GPHN: variants seen among roughly 807,000 people sequenced by gnomAD.
GPHN encodes the protein gephyrin.
GPHN carries 17 observed loss-of-function variants against 95.5 expected under a neutral mutation model. That is an observed-to-expected ratio of 0.18 (90% CI 0.12 to 0.27). The LOEUF (loss-of-function observed/expected upper bound fraction) is 0.27, where lower values mean the gene tolerates loss of function less well. Among genes scored for constraint, GPHN ranks in the 10% least tolerant of loss-of-function variants. The pLI is 1.00. For missense variants in GPHN, 660 were observed against 978.1 expected, an observed-to-expected ratio of 0.67 and a Z score of 4.34; for synonymous variants, 320 against 322.5, an observed-to-expected ratio of 0.99 and a Z score of 0.08.
chr14:67,156,674 G>A (rs979259993), intron 18 of GPHN, among the ~76,000 whole-genome samples: 9 of 152,082 alleles, frequency 5.9e-5, no homozygotes, highest in African/African-American at 1.9e-4. Flanking sequence ...CCCAAATATA[G>A]CAGTAATCAT....
At chr14:67,236,807 G>T in the GPHN span, among the ~76,000 whole-genome samples, 2 of 151,630 alleles carry the variant, frequency 1.3e-5, no homozygotes, top group African/African-American at 2.4e-5. Context: ...TAGATATTTG[G>T]CCAGACACGG....
chr14:66,973,848 A>G (rs960289179), intron 9 of GPHN, among the ~76,000 whole-genome samples: 1 of 152,204 alleles, frequency 6.6e-6, no homozygotes, highest in African/African-American at 2.4e-5. Flanking sequence ...CTCATTTTTG[A>G]AATCAGTTTA....
At chr14:66,779,798 C>G (rs923879848) in intron 3 of GPHN, among the ~76,000 whole-genome samples, 4 of 151,916 alleles carry the variant, frequency 2.6e-5, no homozygotes, top group South Asian at 4.1e-4. Flanking sequence ...GGTTTTTATC[C>G]TGAAAATTAT....
intron 2 of GPHN, among the ~76,000 whole-genome samples, chr14:66,681,459 A>G (rs2066926867): frequency 6.6e-6 from 1 of 152,186 alleles, no homozygotes. Flanking sequence ...GCCAAGAAAG[A>G]TGATTAGTAG....
At chr14:67,567,159 G>A in the GPHN span, among the ~76,000 whole-genome samples, 6 of 152,202 alleles carry the variant, frequency 3.9e-5, no homozygotes, top group South Asian at 1.2e-3. Context: ...GTTCCGGGGA[G>A]AGCTTAAGAA....
At chr14:67,024,871 G>T (rs545219656) in intron 10 of GPHN, among the ~76,000 whole-genome samples, 24 of 152,070 alleles carry the variant, frequency 1.6e-4, no homozygotes, top group African/African-American at 4.8e-4. Context: ...AATTCATGGG[G>T]TTTTTTTGTG....
chr14:66,789,449 C>A (rs1044891845), intron 3 of GPHN, among the ~76,000 whole-genome samples: 2 of 152,184 alleles, frequency 1.3e-5, no homozygotes, highest in Admixed American at 1.3e-4. Context: ...CAAATACATA[C>A]ACAGACATAA....
At chr14:66,986,402 A>G (rs1014777933) in intron 9 of GPHN, among the ~76,000 whole-genome samples, 2 of 152,168 alleles carry the variant, frequency 1.3e-5, no homozygotes, top group Non-Finnish European at 2.9e-5. Flanking sequence ...ATTTGTGTAT[A>G]TAACCTGCTA....
the GPHN span, chr14:67,320,165 A>G: frequency 7.0e-7 from 1 of 1,425,898 alleles, no homozygotes; most frequent in Non-Finnish European, 9.4e-7. Context: ...AAGATCTATG[A>G]GTATTTATAT....
At chr14:66,807,470 A>C (rs996270514) in intron 3 of GPHN, among the ~76,000 whole-genome samples, 6 of 152,232 alleles carry the variant, frequency 3.9e-5, no homozygotes, top group African/African-American at 1.4e-4. Context: ...GTTCTTCTAT[A>C]ATAGTGAGAG....
At chr14:66,649,177 A>G (rs2064910139) in intron 1 of GPHN, among the ~76,000 whole-genome samples, 1 of 152,106 alleles carries the variant, frequency 6.6e-6, no homozygotes, top group Non-Finnish European at 1.5e-5. Flanking sequence ...ACTAAAATAC[A>G]ATCGAAATTA....
At chr14:67,084,167 A>G (rs1332351280) in intron 11 of GPHN, among the ~76,000 whole-genome samples, 1 of 152,246 alleles carries the variant, frequency 6.6e-6, no homozygotes, top group African/African-American at 2.4e-5. Flanking sequence ...TACAAATCTT[A>G]TGCAAATATT....
chr14:66,815,870 A>G (rs2060943238), intron 3 of GPHN, among the ~76,000 whole-genome samples: 1 of 152,226 alleles, frequency 6.6e-6, no homozygotes, highest in Non-Finnish European at 1.5e-5. Context: ...GGCAAGCTGG[A>G]TAAAGAACCG....
chr14:67,663,015 A>C, the GPHN span: 4 of 1,411,052 alleles, frequency 2.8e-6, no homozygotes, highest in Non-Finnish European at 2.7e-6. Context: ...CTGCAAAATA[A>C]AAATTCCACC....
intron 9 of GPHN, among the ~76,000 whole-genome samples, chr14:67,010,678 CAT>C (rs1567209677): frequency 6.6e-6 from 1 of 150,718 alleles, no homozygotes; most frequent in Non-Finnish European, 1.5e-5. Flanking sequence ...TTTTTTAAAA[CAT>C]GTGGGATGTA....
At chr14:67,170,041 G>A (rs1480714635) in intron 21 of GPHN, among the ~76,000 whole-genome samples, 1 of 152,156 alleles carries the variant, frequency 6.6e-6, no homozygotes, top group Non-Finnish European at 1.5e-5. Flanking sequence ...TTATGCCATT[G>A]CACTTCAGCC....
At chr14:66,670,999 A>G (rs1354371863) in intron 1 of GPHN, among the ~76,000 whole-genome samples, 1 of 152,162 alleles carries the variant, frequency 6.6e-6, no homozygotes, top group African/African-American at 2.4e-5. Context: ...AGAATGAAAG[A>G]TGGTGGAAAT....
chr14:66,828,381 G>A (rs186326344), intron 4 of GPHN, among the ~76,000 whole-genome samples: 44 of 151,922 alleles, frequency 2.9e-4, no homozygotes, highest in African/African-American at 7.5e-4. Flanking sequence ...TATAATCCTC[G>A]CTGAATTATA....
chr14:67,502,745 C>T, the GPHN span, among the ~76,000 whole-genome samples: 4 of 151,936 alleles, frequency 2.6e-5, no homozygotes, highest in African/African-American at 9.7e-5. Context: ...AGCCACCGCG[C>T]CGGGCCCCAG....
Sources: gnomAD v4.1 joint callset for allele counts (sites outside exome capture counted in the v4.1 genomes callset) on GRCh38, gnomAD v4.1.1 for gene constraint, MANE v1.5 for transcripts, NCBI Gene and HGNC (gene_info 2026-07-23, HGNC 2026-07-21) for gene names.